Variants in WNT6 observed in about 807,000 individuals in gnomAD.
The protein encoded by WNT6 is protein Wnt-6.
Under a neutral mutation model 33.1 loss-of-function variants are expected in WNT6, and 27 were observed. That is an observed-to-expected ratio of 0.82 (90% CI 0.60 to 1.12). The LOEUF is 1.12. Ranked by LOEUF, WNT6 falls within the 50% of genes most tolerant of loss-of-function variation. WNT6 has a pLI of 0.00. For synonymous variants in WNT6, 249 were observed against 242.8 expected, an observed-to-expected ratio of 1.03 and a Z score of -0.24; for missense variants, 494 against 535.3, an observed-to-expected ratio of 0.92 and a Z score of 0.76.
intron 1 of WNT6, among the ~76,000 whole-genome samples, chr2:218,863,448 T>C (rs1367724790): frequency 6.6e-6 from 1 of 152,236 alleles, no homozygotes; most frequent in Non-Finnish European, 1.5e-5. Context: ...AAGAGGCTCA[T>C]GCCCTTGGAA....
Position 218,871,501 on chromosome 2 carries a change from C to A in WNT6, c.318C>A (p.Ala106=), listed in dbSNP as rs778384561. Residue 106 remains alanine (A), a synonymous_variant, in exon 3 of 4, where the codon GCC becomes GCA. Transcript: ENST00000233948. The surrounding 1 kb of genome is among the most constrained non-coding windows in gnomAD (Gnocchi z 6.4). The stretch of plus-strand genomic sequence containing the variant: ...CATTCACAGACATTCGGGAGACGGC[C>A]TTCGTGTTCGCCATCACTGCGGCCG... The part of the protein sequence containing the change: ...RILQQDIRET[A]FVFAITAAGA... 8.8e-6 allele frequency: 14 copies of A among 1,597,548 alleles called. No individual in the cohort carries two copies. The African/African-American group carries it at 1.9e-4, about 21-fold the overall frequency.
intron 1 of WNT6, among the ~76,000 whole-genome samples, chr2:218,868,299 C>A (rs534755828): frequency 1.3e-5 from 2 of 152,292 alleles, no homozygotes; most frequent in East Asian, 3.9e-4. Flanking sequence ...CAGAGAAGGT[C>A]AAGAGGTTTT....
Position 218,871,426 on chromosome 2 carries a change from G to C in WNT6, c.302-59G>C. ...GCAGCCCTCCCGCCGCAGGTTTCAGGTCCCAGGCCCCAGCTGACCGCCCCA... is the reference window on the plus strand; with the variant it reads ...GCAGCCCTCCCGCCGCAGGTTTCAGCTCCCAGGCCCCAGCTGACCGCCCCA... On this transcript the variant is annotated intron_variant, in intron 2 of 3. Transcript: ENST00000233948. This position sits in a 1 kb window ranked among gnomAD's most constrained non-coding sequence, Gnocchi z 6.4. 6.4e-7 allele frequency: 1 copy of C among 1,568,870 alleles called. No individual in the cohort carries two copies. The highest frequency in any genetic ancestry group is 8.6e-7 in the Non-Finnish European group (1 of 1,159,138).
chr2:218,865,983 C>G (rs1247069514), intron 1 of WNT6, among the ~76,000 whole-genome samples: 1 of 106,156 alleles, frequency 9.4e-6, no homozygotes, highest in Admixed American at 1.2e-4. Context: ...GCATCACTGG[C>G]TTTGATGTGG....
chr2:218,866,388 G>C (rs1290603257), intron 1 of WNT6, among the ~76,000 whole-genome samples: 1 of 152,184 alleles, frequency 6.6e-6, no homozygotes, highest in Non-Finnish European at 1.5e-5. Flanking sequence ...TTTGGTCCAG[G>C]AGCAGGGCTG....
At position 218,871,345 on chromosome 2, in the gene WNT6, T is replaced by C; in HGVS notation, c.301+98T>C. ...TCGCTGAAGTTGCCTGAGCCCCACT[T>C]CCCCCTCACATGTGTCTGGGCACCC... On this transcript the variant is annotated intron_variant, in intron 2 of 3. Coordinates refer to ENST00000233948, the MANE Select transcript of WNT6 (RefSeq NM_006522.4). This position sits in a 1 kb window ranked among gnomAD's most constrained non-coding sequence, Gnocchi z 6.4. The C allele has an allele frequency of 1.3e-6, 2 of 1,489,150 alleles. No homozygotes were observed. Among genetic ancestry groups the C allele is most frequent in the East Asian group, 2.3e-5 (1 of 43,188 alleles). 92.2% of individuals were successfully genotyped at this position (1,489,150 alleles called of 1,614,324 possible).
At chr2:218,862,575 G>C (rs908149609) in intron 1 of WNT6, among the ~76,000 whole-genome samples, 1 of 152,038 alleles carries the variant, frequency 6.6e-6, no homozygotes, top group African/African-American at 2.4e-5. Flanking sequence ...TTTCAACAAG[G>C]TTTCACCGTG....
chr2:218,871,597 C>T lies in WNT6; in HGVS notation c.414C>T (p.Arg138=), dbSNP rs750721965. ...TGCAGTGCGGCTGCCAGGCGCCCCG[C>T]GGGCGGGCCCCTCCCCGGCCCTCCG... ...ELLQCGCQAP[R]GRAPPRPSGL... Residue 138 remains arginine (R), a synonymous_variant, in exon 3 of 4, where the codon CGC becomes CGT. Transcript: ENST00000233948. This position sits in a 1 kb window ranked among gnomAD's most constrained non-coding sequence, Gnocchi z 6.4. 73 of 1,508,316 alleles carry T rather than the reference C, an allele frequency of 4.8e-5. No individual in the cohort carries two copies. The Middle Eastern group carries it at 8.8e-4, about 18-fold the overall frequency. The allele number at this position is 1,508,316 out of a possible 1,614,324, so 93.4% of individuals were successfully genotyped here.
At chr2:218,868,227 C>A in intron 1 of WNT6, among the ~76,000 whole-genome samples, 1 of 152,180 alleles carries the variant, frequency 6.6e-6, no homozygotes, top group East Asian at 1.9e-4. Flanking sequence ...CCCAGCCCTA[C>A]CTCCTGAAAG....
chr2:218,861,495 A>G (rs759212956), intron 1 of WNT6, among the ~76,000 whole-genome samples: 3 of 152,118 alleles, frequency 2.0e-5, no homozygotes, highest in Non-Finnish European at 4.4e-5. Flanking sequence ...GAGGACGTGT[A>G]GAATAATAGG....
Position 218,871,282 on chromosome 2 carries a change from T to C in WNT6, c.301+35T>C. 6.3e-7 allele frequency: 1 copy of C among 1,580,588 alleles called. No homozygotes were observed. Among genetic ancestry groups the C allele is most frequent in the East Asian group, 2.3e-5 (1 of 44,376 alleles). On this transcript the variant is annotated intron_variant, in intron 2 of 3. Transcript: ENST00000233948. The surrounding 1 kb of genome is among the most constrained non-coding windows in gnomAD (Gnocchi z 6.4). Reference sequence around the variant, plus strand: ...GGGAGGGGGCGGAAGTGGGGCTGCTTTCTCCCTGCTGTGGGACCCGAGGAG... The same window carrying C: ...GGGAGGGGGCGGAAGTGGGGCTGCTCTCTCCCTGCTGTGGGACCCGAGGAG...
intron 1 of WNT6, among the ~76,000 whole-genome samples, chr2:218,868,587 G>T (rs924789693): frequency 1.3e-5 from 2 of 152,196 alleles, no homozygotes; most frequent in Non-Finnish European, 2.9e-5. Context: ...TTCCCTGCCT[G>T]ATTCCCAGTG....
chr2:218,861,200 C>G (rs1235664021), intron 1 of WNT6, among the ~76,000 whole-genome samples: 1 of 152,176 alleles, frequency 6.6e-6, no homozygotes, highest in African/African-American at 2.4e-5. Context: ...GATGCCCACA[C>G]AGGGAGTGGC....
intron 1 of WNT6, among the ~76,000 whole-genome samples, chr2:218,861,617 C>G (rs1194474723): frequency 6.6e-6 from 1 of 152,110 alleles, no homozygotes; most frequent in Non-Finnish European, 1.5e-5. Flanking sequence ...TCCAGAGTTC[C>G]AAGGAAAATG....
chr2:218,873,789 T>G lies in WNT6; in HGVS notation c.1042T>G (p.Cys348Gly). The change falls in exon 4 of 4, where the codon TGC (cysteine) becomes GGC (glycine). Residue 348 changes from cysteine (C) to glycine (G), a missense_variant. Coordinates refer to ENST00000233948, the MANE Select transcript of WNT6 (RefSeq NM_006522.4). The surrounding 1 kb of genome is among the most constrained non-coding windows in gnomAD (Gnocchi z 6.1). ...CTGCCTGTGCCGCTTCCACTGGTGC[T>G]GCGTAGTACAGTGCCACCGCTGCCG... ...ENCLCRFHWC[C>G]VVQCHRCRVR... 1 of 1,576,392 alleles carries G rather than the reference T, an allele frequency of 6.3e-7. No homozygotes were observed. Among genetic ancestry groups the G allele is most frequent in the South Asian group, 1.1e-5 (1 of 87,502 alleles).
chr2:218,870,942 G>A (rs1944394212), intron 1 of WNT6, 85 bp from the exon 2 acceptor site: 2 of 1,309,596 alleles, frequency 1.5e-6, no homozygotes, highest in South Asian at 1.4e-5. Context: ...CTCCCGCTGC[G>A]GGCTGAGTGG....
chr2:218,860,192 T>C, intron 1 of WNT6, 75 bp downstream of exon 1: 1 of 1,310,094 alleles, frequency 7.6e-7, no homozygotes, highest in Non-Finnish European at 9.9e-7. Context: ...GACTGGGGTG[T>C]TCCGCAGCCT....
At position 218,859,924 on chromosome 2, in the gene WNT6, C is replaced by G. The variant is rs1380701855; in HGVS notation, c.-114C>G. 1 of 900,206 alleles carries G rather than the reference C, an allele frequency of 1.1e-6. No individual in the cohort carries two copies. Among genetic ancestry groups the G allele is most frequent in the Non-Finnish European group, 1.4e-6 (1 of 716,132 alleles). The allele number at this position is 900,206 out of a possible 1,614,324, so 55.8% of individuals were successfully genotyped here. A position where few individuals can be genotyped will look rare whatever the true frequency, so the allele number is the denominator to read the frequency against. On this transcript the variant is annotated 5_prime_UTR_variant, in exon 1 of 4. Transcript: ENST00000233948. ...CCGCCGCCGCCGGATCCCTCGCCTCCCGGCCGCCGCCGTTGCGCTCGCCGC... is the reference window on the plus strand; with the variant it reads ...CCGCCGCCGCCGGATCCCTCGCCTCGCGGCCGCCGCCGTTGCGCTCGCCGC...
In WNT6 at chr2:218,871,256, G is replaced by A. The variant is rs1944397848; in HGVS notation, c.301+9G>A. ...ACGCATCCTGCAACAGGGTCAGTGT[G>A]GGGAGGGGGCGGAAGTGGGGCTGCT... On this transcript the variant is annotated intron_variant, in intron 2 of 3. Coordinates refer to ENST00000233948, the MANE Select transcript of WNT6 (RefSeq NM_006522.4). The surrounding 1 kb of genome is among the most constrained non-coding windows in gnomAD (Gnocchi z 6.4). 6.2e-7 allele frequency: 1 copy of A among 1,600,230 alleles called. No individual in the cohort carries two copies. The highest frequency in any genetic ancestry group is 1.1e-5 in the South Asian group (1 of 89,940).
Sources: gnomAD v4.1 joint callset for allele counts (sites outside exome capture counted in the v4.1 genomes callset) on GRCh38, gnomAD v4.1.1 for gene constraint, Gnocchi (gnomAD v3.1) non-coding constraint, MANE v1.5 for transcripts, NCBI Gene and HGNC (gene_info 2026-07-23, HGNC 2026-07-21) for gene names.